The following CTNNA2 variants were observed in gnomAD, a reference collection of about 807,000 sequenced individuals.
CTNNA2 encodes the protein catenin alpha 2, also known as catenin alpha-2.
CTNNA2 carries 42 observed loss-of-function variants against 101.0 expected under a neutral mutation model. The observed-to-expected ratio is 0.42, with a 90% CI of 0.32 to 0.54. The LOEUF (loss-of-function observed/expected upper bound fraction) is 0.54. CTNNA2 is among the 20% of genes least tolerant of loss of function. The pLI is 0.14. For synonymous variants in CTNNA2, 450 were observed against 456.4 expected, an observed-to-expected ratio of 0.99 and a Z score of 0.18; for missense variants, 871 against 1,223.1, an observed-to-expected ratio of 0.71 and a Z score of 4.29.
At chr2:80,028,095 A>G (rs936707275) in intron 7 of CTNNA2, 1 of 152,110 alleles carries the variant, frequency 6.6e-6, no homozygotes, top group African/African-American at 2.4e-5. Context: ...TCGAAACACA[A>G]GATAAAACTA....
At chr2:79,384,520 T>C (rs1416436737) in intron 4 of CTNNA2, among the ~76,000 whole-genome samples, 1 of 151,844 alleles carries the variant, frequency 6.6e-6, no homozygotes, top group Non-Finnish European at 1.5e-5. Context: ...TTATAAGAAA[T>C]GTAGGTGTCA....
At chr2:80,317,451 G>A (rs1246492923) in intron 7 of CTNNA2, among the ~76,000 whole-genome samples, 1 of 152,072 alleles carries the variant, frequency 6.6e-6, no homozygotes, top group East Asian at 1.9e-4. Context: ...TGGTATTGAT[G>A]ATATAAAGTG....
intron 1 of CTNNA2, among the ~76,000 whole-genome samples, chr2:79,588,222 G>C (rs951392342): frequency 1.3e-5 from 2 of 152,188 alleles, no homozygotes; most frequent in Admixed American, 1.3e-4. Context: ...AGTGAACAAA[G>C]ACTCTGAAGT....
intron 12 of CTNNA2, among the ~76,000 whole-genome samples, chr2:80,558,718 G>T (rs1693280447): frequency 6.6e-6 from 1 of 152,086 alleles, no homozygotes; most frequent in Non-Finnish European, 1.5e-5. Context: ...ATTGTAGGGT[G>T]AGAGAGGGTG....
chr2:79,627,081 A>G (rs559804833), intron 1 of CTNNA2, among the ~76,000 whole-genome samples: 1 of 152,248 alleles, frequency 6.6e-6, no homozygotes, highest in Admixed American at 6.5e-5. Flanking sequence ...TGAAGCCAAA[A>G]GCTTTATGGG....
At chr2:80,124,647 C>A (rs1430657581) in intron 7 of CTNNA2, among the ~76,000 whole-genome samples, 1 of 152,084 alleles carries the variant, frequency 6.6e-6, no homozygotes, top group Non-Finnish European at 1.5e-5. Context: ...TTCTTGAGAA[C>A]CAAATTCTGT....
intron 2 of CTNNA2, among the ~76,000 whole-genome samples, chr2:79,248,399 T>C (rs1005304208): frequency 3.3e-5 from 5 of 151,688 alleles, no homozygotes; most frequent in African/African-American, 4.8e-5. Context: ...TTTCTATATA[T>C]AATATAAAAA....
intron 2 of CTNNA2, among the ~76,000 whole-genome samples, chr2:79,656,866 A>G (rs1163646995): frequency 6.6e-6 from 1 of 151,940 alleles, no homozygotes; most frequent in Admixed American, 6.6e-5. Flanking sequence ...TAGGAAATTA[A>G]GAAACACTCT....
intron 7 of CTNNA2, among the ~76,000 whole-genome samples, chr2:80,140,081 G>T (rs1241655434): frequency 2.0e-5 from 3 of 152,114 alleles, no homozygotes; most frequent in Non-Finnish European, 4.4e-5. Context: ...AGGATTATTG[G>T]AACAATAGGC....
chr2:79,632,747 C>A (rs1380267481), intron 1 of CTNNA2, among the ~76,000 whole-genome samples: 1 of 152,170 alleles, frequency 6.6e-6, no homozygotes, highest in Non-Finnish European at 1.5e-5. Flanking sequence ...TTGGGGCATC[C>A]AAAATGGCCC....
In CTNNA2 at chr2:79,559,639, C is replaced by G. The variant is rs573469968; in HGVS notation, c.-6+46432C>G. On this transcript the variant is annotated intron_variant, in intron 1 of 18. Coordinates refer to ENST00000402739, the MANE Select transcript of CTNNA2 (RefSeq NM_001282597.3). Reference sequence around the variant, plus strand: ...GTGAAGTAGTGGTGTTTCTTGGCACCTGACAAAGATGATCAAATGCACTTT... The same window carrying G: ...GTGAAGTAGTGGTGTTTCTTGGCACGTGACAAAGATGATCAAATGCACTTT... Among the ~76,000 whole-genome samples the G allele has an allele frequency of 5.3e-5, 8 of 151,924 alleles. No homozygotes were observed. In the South Asian group the frequency reaches 1.7e-3, roughly 32 times the overall value.
chr2:79,264,904 C>T (rs1388479519), intron 2 of CTNNA2, among the ~76,000 whole-genome samples: 2 of 152,126 alleles, frequency 1.3e-5, no homozygotes, highest in Non-Finnish European at 2.9e-5. Context: ...TCGAGACTGC[C>T]TCACCTTGTG....
At chr2:79,476,262 A>G (rs906782801) in intron 4 of CTNNA2, among the ~76,000 whole-genome samples, 42 of 152,262 alleles carry the variant, frequency 2.8e-4, no homozygotes, top group African/African-American at 9.9e-4. Flanking sequence ...CTTTAGGAAT[A>G]CAATGTAAGA....
chr2:79,378,307 T>C lies in CTNNA2; in HGVS notation c.-135+4294T>C, dbSNP rs575002864. Reference sequence around the variant, plus strand: ...GAGAAAAGATCAAATGTAGGTATTATTCTCTAAAACAGAGTCCCCTAAGTA... The same window carrying C: ...GAGAAAAGATCAAATGTAGGTATTACTCTCTAAAACAGAGTCCCCTAAGTA... On this transcript the variant is annotated intron_variant, in intron 4 of 21. Transcript: ENST00000466387. Among the ~76,000 whole-genome samples the C allele has an allele frequency of 3.9e-5, 6 of 152,306 alleles. No homozygotes were observed. In the East Asian group the frequency reaches 1.2e-3, roughly 29 times the overall value.
chr2:79,647,948 A>G (rs1300788491), intron 1 of CTNNA2, among the ~76,000 whole-genome samples: 1 of 152,200 alleles, frequency 6.6e-6, no homozygotes, highest in Non-Finnish European at 1.5e-5. Flanking sequence ...AGGCAGTAGC[A>G]CAGAGGAGAA....
chr2:80,530,077 A>T (rs1367331209), intron 9 of CTNNA2, among the ~76,000 whole-genome samples: 1 of 152,078 alleles, frequency 6.6e-6, no homozygotes, highest in Non-Finnish European at 1.5e-5. Context: ...GTGGTCCACT[A>T]CTGACCATGG....
At chr2:79,346,294 T>G (rs906583913) in intron 3 of CTNNA2, among the ~76,000 whole-genome samples, 2 of 152,194 alleles carry the variant, frequency 1.3e-5, no homozygotes, top group African/African-American at 2.4e-5. Flanking sequence ...CTATTATTAT[T>G]AGTGTTATTA....
intron 1 of CTNNA2, among the ~76,000 whole-genome samples, chr2:79,577,942 A>G (rs1037435322): frequency 3.9e-5 from 6 of 152,212 alleles, no homozygotes; most frequent in Non-Finnish European, 7.4e-5. Flanking sequence ...TTCATTTGAT[A>G]ACTGAAAAGT....
At chr2:79,497,117 G>A (rs1280557126) in intron 4 of CTNNA2, among the ~76,000 whole-genome samples, 1 of 152,156 alleles carries the variant, frequency 6.6e-6, no homozygotes, top group Non-Finnish European at 1.5e-5. Flanking sequence ...GATCCAACGT[G>A]TACCATAATT....
Sources: gnomAD v4.1 joint callset for allele counts (sites outside exome capture counted in the v4.1 genomes callset) on GRCh38, gnomAD v4.1.1 for gene constraint, MANE v1.5 for transcripts, NCBI Gene and HGNC (gene_info 2026-07-23, HGNC 2026-07-21) for gene names.